The following STYXL1 variants were observed in gnomAD, a reference collection of about 807,000 sequenced individuals.
The protein encoded by STYXL1 is serine/threonine/tyrosine-interacting-like protein 1.
Under a neutral mutation model 36.4 loss-of-function variants are expected in STYXL1, and 32 were observed. The ratio of observed to expected loss-of-function variants is 0.88; its 90% CI spans 0.66 to 1.18. The LOEUF is 1.18. STYXL1 is among the 50% of genes most tolerant of loss of function. STYXL1 has a pLI of 0.00. For missense variants in STYXL1, 354 were observed against 394.1 expected (o/e 0.90, Z 0.86); for synonymous variants, 133 against 144.1 (o/e 0.92, Z 0.55).
At chr7:76,037,267 C>G (rs1478884655) in intron 1 of STYXL1, among the ~76,000 whole-genome samples, 3 of 150,376 alleles carry the variant, frequency 2.0e-5, no homozygotes, top group Non-Finnish European at 4.5e-5. Flanking sequence ...GTCAAGACAG[C>G]AGGGTGCTAG....
At chr7:76,046,337 TGTGCGCGCGCGCGC>T (rs1684656028) in intron 1 of STYXL1, among the ~76,000 whole-genome samples, 1 of 23,654 alleles carries the variant, frequency 4.2e-5, no homozygotes, top group Non-Finnish European at 1.1e-4. Flanking sequence ...TGTGTGTGTG[TGTGCGCGCGCGCGC>T]GCGCGCGCTT....
chr7:75,996,710 G>A (rs1554564263), intron 8 of STYXL1, 111 bp from the exon 9 acceptor site: 18 of 999,508 alleles, frequency 1.8e-5, no homozygotes, highest in East Asian at 1.5e-4. Context: ...CCAGCAACAC[G>A]GCTTAAGGGC....
intron 4 of STYXL1, among the ~76,000 whole-genome samples, chr7:76,017,978 A>G (rs1444520508): frequency 1.3e-5 from 2 of 151,358 alleles, no homozygotes; most frequent in African/African-American, 4.9e-5. Context: ...AGTGACTTTT[A>G]GTATATTCAG....
At chr7:76,006,844 T>C (rs560647446) in intron 5 of STYXL1, among the ~76,000 whole-genome samples, 6 of 151,810 alleles carry the variant, frequency 4.0e-5, no homozygotes, top group Non-Finnish European at 8.8e-5. Context: ...AAGGATTATC[T>C]CTACATTTCC....
chr7:76,045,512 C>T (rs1796868551), intron 1 of STYXL1: 3 of 152,218 alleles, frequency 2.0e-5, no homozygotes, highest in African/African-American at 7.2e-5. Flanking sequence ...GCCTGGCCAA[C>T]ATGACAAATC....
chr7:75,996,497 T>C lies in STYXL1; in HGVS notation c.913A>G (p.Ile305Val). Residue 305 changes from isoleucine (I) to valine (V), a missense_variant, in exon 9 of 9, where the codon ATC becomes GTC. Ile to Val is a conservative substitution (Grantham distance 29). Transcript: ENST00000359697. ...TAGAGCGGATCCATGATGTTTGTGA[T>C]GGAATCTCCAAGGATAGTCTTCTCC... Reference protein sequence around the residue: ...EWEKTILGDSITNIMDPLY With the variant: ...EWEKTILGDSVTNIMDPLY 1.2e-6 allele frequency: 2 copies of C among 1,614,230 alleles called. No homozygotes were observed. Among genetic ancestry groups the C allele is most frequent in the Non-Finnish European group, 1.7e-6 (2 of 1,180,044 alleles).
intron 4 of STYXL1, 83 bp downstream of exon 4, chr7:76,021,768 G>T: frequency 1.0e-6 from 1 of 992,216 alleles, no homozygotes. Context: ...CCCGTGCCAT[G>T]GGCATATGAA....
intron 1 of STYXL1, among the ~76,000 whole-genome samples, chr7:76,031,574 G>A (rs1554579348): frequency 6.6e-6 from 1 of 151,534 alleles, no homozygotes; most frequent in Non-Finnish European, 1.5e-5. Flanking sequence ...AATTACCTGG[G>A]AATGGTGGCA....
chr7:76,004,181 C>A (rs1791349494), intron 6 of STYXL1, among the ~76,000 whole-genome samples: 1 of 152,096 alleles, frequency 6.6e-6, no homozygotes, highest in Non-Finnish European at 1.5e-5. Flanking sequence ...GCAACCTCTA[C>A]CTCCCAGGTT....
chr7:75,999,301 AG>A (rs1368509054), intron 8 of STYXL1, among the ~76,000 whole-genome samples: 4 of 152,228 alleles, frequency 2.6e-5, no homozygotes, highest in African/African-American at 9.6e-5. Context: ...AGGTACCTAG[AG>A]TAGTCAAATT....
At chr7:76,013,334 A>AG in intron 5 of STYXL1, among the ~76,000 whole-genome samples, 1 of 151,824 alleles carries the variant, frequency 6.6e-6, no homozygotes, top group African/African-American at 2.4e-5. Context: ...TCAAAAAAAA[A>AG]AAAAAAAAAG....
intron 5 of STYXL1, 112 bp downstream of exon 5, chr7:76,013,630 T>C (rs532332862): frequency 2.7e-6 from 4 of 1,478,512 alleles, no homozygotes; most frequent in Admixed American, 3.7e-5. Context: ...TCCTCCACTT[T>C]CTCTATATCC....
At chr7:76,019,272 CTGT>C (rs1356434906) in intron 4 of STYXL1, among the ~76,000 whole-genome samples, 1 of 149,980 alleles carries the variant, frequency 6.7e-6, no homozygotes, top group East Asian at 1.9e-4. Context: ...TGAACTCTAA[CTGT>C]TTTTTTCTTT....
At chr7:76,017,147 C>T (rs1401352577) in intron 4 of STYXL1, among the ~76,000 whole-genome samples, 1 of 152,046 alleles carries the variant, frequency 6.6e-6, no homozygotes, top group African/African-American at 2.4e-5. Context: ...CTCAGCCTCT[C>T]GAGTAGCTAG....
intron 3 of STYXL1, among the ~76,000 whole-genome samples, chr7:76,026,177 GCA>G (rs1794685590): frequency 1.3e-5 from 1 of 75,298 alleles, no homozygotes; most frequent in Non-Finnish European, 2.5e-5. Context: ...GGAGGACAGA[GCA>G]AGACTCTGTC....
chr7:76,026,547 G>T (rs879982043), intron 3 of STYXL1, among the ~76,000 whole-genome samples: 4 of 152,146 alleles, frequency 2.6e-5, no homozygotes, highest in Non-Finnish European at 5.9e-5. Flanking sequence ...CAACCAAAGT[G>T]CTAGGATTAC....
At chr7:76,023,594 G>A (rs1428541260) in intron 3 of STYXL1, among the ~76,000 whole-genome samples, 2 of 151,768 alleles carry the variant, frequency 1.3e-5, no homozygotes, top group Non-Finnish European at 2.9e-5. Flanking sequence ...GGGTGTGGGA[G>A]GGTGCACATG....
At chr7:76,037,122 CACACCTGTAATCT>C (rs1261083201) in intron 1 of STYXL1, among the ~76,000 whole-genome samples, 2 of 149,966 alleles carry the variant, frequency 1.3e-5, no homozygotes, top group African/African-American at 4.9e-5. Flanking sequence ...TGTGGTAGCT[CACACCTGTAATCT>C]CTGCATTTTG....
intron 1 of STYXL1, among the ~76,000 whole-genome samples, chr7:76,042,390 C>CCTTTTTTTTTTTTTTT (rs1796552134): frequency 2.4e-5 from 1 of 41,816 alleles, no homozygotes; most frequent in African/African-American, 6.3e-5. Context: ...CCCTTATGTG[C>CCTTTTTTTTTTTTTTT]TTTTTTTTTT....
Sources: allele counts gnomAD v4.1 joint callset (sites outside exome capture counted in the v4.1 genomes callset), GRCh38; gene constraint gnomAD v4.1.1; transcripts MANE v1.5; gene names NCBI Gene and HGNC (gene_info 2026-07-23, HGNC 2026-07-21).